The following NLRP7 variants were observed in gnomAD, a reference collection of about 807,000 sequenced individuals.
The protein encoded by NLRP7 is NLR family pyrin domain containing 7.
A neutral mutation model predicts 85.5 loss-of-function variants in NLRP7; 72 were observed. That is an observed-to-expected ratio of 0.84 (90% confidence interval 0.70 to 1.02). The LOEUF is 1.02. Among genes scored for constraint, NLRP7 ranks in the 50% least tolerant of loss-of-function variants. NLRP7 has a pLI of 0.00. For synonymous variants in NLRP7, 550 were observed against 505.2 expected, an observed-to-expected ratio of 1.09 and a Z score of -1.19; for missense variants, 1,243 against 1,219.5, an observed-to-expected ratio of 1.02 and a Z score of -0.29.
chr19:54,939,937 C>A, exon 4 of NLRP7: 1 of 1,614,096 alleles, frequency 6.2e-7, no homozygotes, highest in East Asian at 2.2e-5. Flanking sequence ...GCAAGGCTGC[C>A]CTGGGTAACA....
At position 54,934,028 on chromosome 19, in the gene NLRP7, C is replaced by T. The variant is rs2068786977; in HGVS notation, c.2472-289G>A. ...CGCGATCTCGGTTCACTGCCAATCGCCGCCTCCCAGGTTTACACCATTCTG... is the reference window on the plus strand; with the variant it reads ...CGCGATCTCGGTTCACTGCCAATCGTCGCCTCCCAGGTTTACACCATTCTG... On this transcript the variant is annotated intron_variant, in intron 7 of 9. Transcript: ENST00000340844. This position sits in a 1 kb window ranked among gnomAD's most constrained non-coding sequence, Gnocchi z 6.7. 6.6e-6 allele frequency among the ~76,000 whole-genome samples: 1 copy of T among 152,160 alleles called. No individual in the cohort carries two copies.
intron 8 of NLRP7, among the ~76,000 whole-genome samples, chr19:54,932,848 G>A (rs1174020606): frequency 6.6e-6 from 1 of 151,884 alleles, no homozygotes; most frequent in Admixed American, 6.6e-5. Flanking sequence ...GTAGCGATGG[G>A]TTTTCACCAT....
At chr19:54,962,940 G>C (rs1330379946) in intron 1 of NLRP7, among the ~76,000 whole-genome samples, 1 of 152,094 alleles carries the variant, frequency 6.6e-6, no homozygotes, top group Non-Finnish European at 1.5e-5. Flanking sequence ...AACTGAGCGC[G>C]GCAGTGAAGA....
At chr19:54,943,811 G>A (rs1277448563) in intron 1 of NLRP7, among the ~76,000 whole-genome samples, 1 of 151,944 alleles carries the variant, frequency 6.6e-6, no homozygotes, top group Non-Finnish European at 1.5e-5. Flanking sequence ...ACTCCATTTT[G>A]TTCTGTACTA....
intron 6 of NLRP7, among the ~76,000 whole-genome samples, chr19:54,935,229 A>T (rs34497474): frequency 0.33 from 10,931 of 32,930 alleles, 718 homozygotes; most frequent in South Asian, 0.55. Flanking sequence ...TGCAGGGGGG[A>T]AAAAAAAATT....
intron 9 of NLRP7, 70 bp downstream of exon 10, chr19:54,927,535 G>C: frequency 6.7e-7 from 1 of 1,500,188 alleles, no homozygotes; most frequent in East Asian, 2.3e-5. Context: ...CAGCCTGAAT[G>C]ACAGAGCACG....
exon 4 of NLRP7, chr19:54,939,817 C>G: frequency 6.2e-7 from 1 of 1,614,098 alleles, no homozygotes; most frequent in Non-Finnish European, 8.5e-7. Flanking sequence ...CAAAGTGTCT[C>G]AGGAAATAGG....
chr19:54,936,968 T>A (rs1369705442), intron 5 of NLRP7, among the ~76,000 whole-genome samples: 1 of 149,784 alleles, frequency 6.7e-6, no homozygotes, highest in East Asian at 2.0e-4. Context: ...ATCCCAGCAC[T>A]TTGGGAGGCC....
intron 1 of NLRP7, among the ~76,000 whole-genome samples, chr19:54,943,221 G>C (rs1307494636): frequency 6.6e-6 from 1 of 152,024 alleles, no homozygotes; most frequent in Non-Finnish European, 1.5e-5. Flanking sequence ...GACACAGGAG[G>C]ATTGTTTGAG....
At chr19:54,926,272 G>A (rs2068437397) in intron 9 of NLRP7, among the ~76,000 whole-genome samples, 3 of 151,754 alleles carry the variant, frequency 2.0e-5, no homozygotes, top group Admixed American at 1.3e-4. Flanking sequence ...TGTACTCCAG[G>A]ATGATTTAAA....
intron 1 of NLRP7, among the ~76,000 whole-genome samples, chr19:54,955,287 CCATTG>C (rs1163255788): frequency 6.6e-6 from 1 of 152,012 alleles, no homozygotes; most frequent in East Asian, 1.9e-4. Context: ...CAAGATCATG[CCATTG>C]CACTCCAGCC....
intron 9 of NLRP7, among the ~76,000 whole-genome samples, chr19:54,929,641 C>T (rs940238324): frequency 1.3e-5 from 2 of 152,112 alleles, no homozygotes; most frequent in African/African-American, 4.8e-5. Context: ...TTCCTGATTA[C>T]TGGATCCCAG....
chr19:54,930,427 A>T, intron 9 of NLRP7, 72 bp downstream of exon 9: 1 of 1,057,484 alleles, frequency 9.5e-7, no homozygotes, highest in Non-Finnish European at 1.4e-6. Context: ...ACCCCACTGC[A>T]CTCCAGGCTG....
intron 8 of NLRP7, among the ~76,000 whole-genome samples, chr19:54,932,373 A>G (rs1046020413): frequency 6.6e-6 from 1 of 151,786 alleles, no homozygotes; most frequent in African/African-American, 2.4e-5. Flanking sequence ...AGTTGCAGTC[A>G]GCCAAGATTA....
At chr19:54,937,095 G>A (rs1040759227) in intron 5 of NLRP7, among the ~76,000 whole-genome samples, 1 of 151,588 alleles carries the variant, frequency 6.6e-6, no homozygotes, top group East Asian at 1.9e-4. Context: ...GCGGGCGCCT[G>A]TAGTCCCAGC....
At chr19:54,935,556 C>T (rs1013634898) in intron 6 of NLRP7, among the ~76,000 whole-genome samples, 8 of 149,910 alleles carry the variant, frequency 5.3e-5, no homozygotes, top group African/African-American at 1.7e-4. Flanking sequence ...ATTTGCCAGG[C>T]GTGGTGGTGC....
intron 1 of NLRP7, among the ~76,000 whole-genome samples, chr19:54,957,202 G>A (rs1257390133): frequency 6.6e-6 from 1 of 151,432 alleles, no homozygotes; most frequent in African/African-American, 2.4e-5. Context: ...TGTATTTTTA[G>A]TGGAGACTGG....
intron 9 of NLRP7, among the ~76,000 whole-genome samples, chr19:54,925,453 A>G (rs2068389460): frequency 6.6e-6 from 1 of 152,186 alleles, no homozygotes; most frequent in Non-Finnish European, 1.5e-5. Flanking sequence ...ATAATGCAAC[A>G]CTGGGCATCA....
exon 10 of NLRP7, chr19:54,923,797 A>G (rs143781958): frequency 6.2e-7 from 1 of 1,613,954 alleles, no homozygotes; most frequent in African/African-American, 1.3e-5. Flanking sequence ...TGCAATCAAT[A>G]GTCAGCTTGG....
Sources: allele counts gnomAD v4.1 joint callset (sites outside exome capture counted in the v4.1 genomes callset), GRCh38; gene constraint gnomAD v4.1.1; non-coding constraint Gnocchi (gnomAD v3.1); transcripts MANE v1.5; gene names NCBI Gene and HGNC (gene_info 2026-07-23, HGNC 2026-07-21).